The following DIPK2B variants were observed in gnomAD, a reference collection of about 807,000 sequenced individuals.
DIPK2B encodes UPF0672 protein CXorf36.
In DIPK2B, 15 loss-of-function variants were observed where a neutral mutation model predicts 22.2. The ratio of observed to expected loss-of-function variants is 0.68; its 90% CI spans 0.45 to 1.04. DIPK2B has a LOEUF of 1.04. Among genes scored for constraint, DIPK2B ranks in the 50% least tolerant of loss-of-function variants. The probability of loss-of-function intolerance (pLI) is 0.00; values close to 1 mark genes in which losing one functional copy is unlikely to be tolerated. For missense variants in DIPK2B, 345 were observed against 348.3 expected, an observed-to-expected ratio of 0.99 and a Z score of 0.08; for synonymous variants, 163 against 153.2, an observed-to-expected ratio of 1.06 and a Z score of -0.47.
At chrX:45,189,070 A>T (rs193212229) in intron 2 of DIPK2B, among the ~76,000 whole-genome samples, 1,950 of 111,787 alleles carry the variant, frequency 0.017, 47 homozygotes, top group African/African-American at 0.06. Context: ...AAGTTTTTTT[A>T]AAAAAATAGA....
At chrX:45,191,690 A>ATC (rs1234598961) in intron 2 of DIPK2B, 61 bp downstream of exon 2, 2 of 1,075,629 alleles carry the variant, frequency 1.9e-6, no homozygotes, top group Non-Finnish European at 2.5e-6. Context: ...ATGGGAATGA[A>ATC]TCTCTCTCTC....
At chrX:45,162,318 C>T (rs1425338168) in intron 2 of DIPK2B, 1 of 681,906 alleles carries the variant, frequency 1.5e-6, no homozygotes, top group Non-Finnish European at 1.7e-6. Flanking sequence ...TGTTTTAAGC[C>T]ACTATGTGTT....
chrX:45,153,354 G>A (rs1401958888), intron 4 of DIPK2B, among the ~76,000 whole-genome samples: 2 of 111,264 alleles, frequency 1.8e-5, no homozygotes, highest in Admixed American at 1.9e-4. Flanking sequence ...TTTATAAAGA[G>A]CAATTGTGCC....
rs145089367 is a variant in DIPK2B, at chrX:45,155,240, T to A, written c.673-1042A>T. The stretch of plus-strand genomic sequence containing the variant: ...CAGTTTGAAGCCAGCCTGGCCAACA[T>A]GGCATAGCCTTGTCTCTACTAAAAG... On this transcript the variant is annotated intron_variant, in intron 3 of 4. Coordinates refer to ENST00000398000, the MANE Select transcript of DIPK2B (RefSeq NM_176819.4). 2.1e-3 allele frequency among the ~76,000 whole-genome samples: 235 copies of A among 109,507 alleles called. 2 individuals are homozygous for A. Among genetic ancestry groups the A allele is most frequent in the Non-Finnish European group, 3.4e-3 (178 of 52,643 alleles).
chrX:45,192,584 C>A (rs2047218707), intron 1 of DIPK2B, among the ~76,000 whole-genome samples: 1 of 110,853 alleles, frequency 9.0e-6, no homozygotes, highest in Non-Finnish European at 1.9e-5. Context: ...ACTAGGGAGA[C>A]CACTCTACCT....
At chrX:45,164,577 G>T (rs1026686915) in intron 2 of DIPK2B, among the ~76,000 whole-genome samples, 1 of 111,462 alleles carries the variant, frequency 9.0e-6, no homozygotes, top group Non-Finnish European at 1.9e-5. Flanking sequence ...TGGACACAGG[G>T]AGGGGAACAT....
At chrX:45,157,460 C>A (rs1396729786) in intron 3 of DIPK2B, among the ~76,000 whole-genome samples, 1 of 111,831 alleles carries the variant, frequency 8.9e-6, no homozygotes, top group Non-Finnish European at 1.9e-5. Context: ...CCCTTCAGGG[C>A]CACTCAGGCA....
chrX:45,157,706 G>A lies in DIPK2B; in HGVS notation c.672+9C>T. On this transcript the variant is annotated intron_variant, in intron 3 of 4. Coordinates refer to ENST00000398000, the MANE Select transcript of DIPK2B (RefSeq NM_176819.4). ...CCCAACCTAGAGGGCTTGCCAGGTC[G>A]CTGCATACCTGTAGGAGGATGGGGT... 8.5e-7 allele frequency: 1 copy of A among 1,179,277 alleles called. No individual in the cohort carries two copies. Among genetic ancestry groups the A allele is most frequent in the Middle Eastern group, 2.4e-4 (1 of 4,235 alleles).
intron 2 of DIPK2B, among the ~76,000 whole-genome samples, chrX:45,176,610 A>G (rs1410704358): frequency 2.7e-5 from 3 of 111,935 alleles, no homozygotes; most frequent in Non-Finnish European, 3.8e-5. Context: ...CGAGAAGGTT[A>G]TTGGTGGGGA....
intron 4 of DIPK2B, among the ~76,000 whole-genome samples, chrX:45,153,156 C>T (rs751654578): frequency 2.2e-4 from 25 of 111,272 alleles, no homozygotes; most frequent in Non-Finnish European, 4.5e-4. Context: ...TAGGCTTTTG[C>T]ATACAAACAA....
intron 2 of DIPK2B, among the ~76,000 whole-genome samples, chrX:45,184,366 C>G (rs2047169977): frequency 9.0e-6 from 1 of 111,544 alleles, no homozygotes; most frequent in Non-Finnish European, 1.9e-5. Context: ...GGTAGATGAC[C>G]CTTTGCCTTA....
intron 2 of DIPK2B, among the ~76,000 whole-genome samples, chrX:45,182,750 T>C (rs1446568332): frequency 8.8e-6 from 1 of 113,074 alleles, no homozygotes; most frequent in African/African-American, 3.2e-5. Context: ...AATAGCATGA[T>C]GTGTTGTGTA....
In DIPK2B at chrX:45,151,624, T is replaced by A. The variant is rs2046961493; in HGVS notation, c.*28A>T. Reference sequence around the variant, plus strand: ...GGAGAATGGAGAGCCAAGCGTGTTGTCCCCAAGGCCAGCTAGACACCAGCC... The same window carrying A: ...GGAGAATGGAGAGCCAAGCGTGTTGACCCCAAGGCCAGCTAGACACCAGCC... On this transcript the variant is annotated 3_prime_UTR_variant, in exon 5 of 5. Transcript: ENST00000398000. 8.5e-7 allele frequency: 1 copy of A among 1,180,813 alleles called. No homozygotes were observed.
In DIPK2B at chrX:45,153,979, C is replaced by T. The variant is rs771521366; in HGVS notation, c.892G>A (p.Gly298Ser). The T allele has an allele frequency of 9.9e-6, 12 of 1,210,756 alleles. No homozygotes were observed. Among genetic ancestry groups the T allele is most frequent in the East Asian group, 8.9e-5 (3 of 33,821 alleles). The change falls in exon 4 of 5, where the codon GGC becomes AGC. Residue 298 changes from glycine (G) to serine (S), a missense_variant. Physicochemically the swap from Gly to Ser is moderately conservative, Grantham distance 56. Transcript: ENST00000398000. Reference sequence around the variant, plus strand: ...AACAGATGCCCGTTGTTAAAGACGCCGAACATGCCTGCATCAATGTGGGTG... The same window carrying T: ...AACAGATGCCCGTTGTTAAAGACGCTGAACATGCCTGCATCAATGTGGGTG... ...YFTHIDAGMF[G>S]VFNNGHLFIR... is the part of the protein sequence containing the mutation.
chrX:45,170,928 G>A (rs965750680), intron 2 of DIPK2B, among the ~76,000 whole-genome samples: 2 of 112,035 alleles, frequency 1.8e-5, no homozygotes. Context: ...TGCTGTGCTC[G>A]CCTGCAATGA....
intron 2 of DIPK2B, among the ~76,000 whole-genome samples, chrX:45,185,620 C>G (rs189085820): frequency 1.6e-4 from 17 of 107,672 alleles, no homozygotes; most frequent in Admixed American, 1.2e-3. Flanking sequence ...ACTGGGGAAG[C>G]CTTTCACTGT....
At position 45,173,084 on chromosome X, in the gene DIPK2B, C is replaced by G. The variant is rs190424615; in HGVS notation, c.499-15196G>C. On this transcript the variant is annotated intron_variant, in intron 2 of 4. Coordinates refer to ENST00000398000, the MANE Select transcript of DIPK2B (RefSeq NM_176819.4). ...TCACCTGTATGAGTCAGGGTTCAAT[C>G]AGAGGCAGAAGCATCAGGAGATTGT... Among the ~76,000 whole-genome samples the G allele has an allele frequency of 2.8e-4, 31 of 111,850 alleles. No individual in the cohort carries two copies. The South Asian group carries it at 5.2e-3, about 19-fold the overall frequency.
chrX:45,170,243 C>CAAA (rs145240278), intron 2 of DIPK2B, among the ~76,000 whole-genome samples: 1 of 52,618 alleles, frequency 1.9e-5, no homozygotes, highest in Non-Finnish European at 3.4e-5. Context: ...GACTCCGTCT[C>CAAA]AAAAAAAAAA....
chrX:45,171,847 A>G (rs185772980), intron 2 of DIPK2B, among the ~76,000 whole-genome samples: 1 of 112,529 alleles, frequency 8.9e-6, no homozygotes, highest in African/African-American at 3.2e-5. Flanking sequence ...CTTGGTAATC[A>G]TACCTCTGCC....
Sources: allele counts gnomAD v4.1 joint callset (sites outside exome capture counted in the v4.1 genomes callset), GRCh38; gene constraint gnomAD v4.1.1; transcripts MANE v1.5; gene names NCBI Gene and HGNC (gene_info 2026-07-23, HGNC 2026-07-21).